Variants in PATE4 observed in about 807,000 individuals in gnomAD.
PATE4 encodes prostate and testis expressed protein 4.
A neutral mutation model predicts 8.5 loss-of-function variants in PATE4; 13 were observed. That is an observed-to-expected ratio of 1.53 (90% CI 1.00 to 2.43). The LOEUF is 2.43. Ranked by LOEUF, PATE4 falls within the 30% of genes most tolerant of loss-of-function variation. The pLI is 0.00. For synonymous variants in PATE4, 47 were observed against 39.3 expected, an observed-to-expected ratio of 1.20 and a Z score of -0.73; for missense variants, 127 against 115.5, an observed-to-expected ratio of 1.10 and a Z score of -0.46.
Position 125,837,889 on chromosome 11 carries a change from C to T in PATE4, c.80C>T (p.Thr27Ile), listed in dbSNP as rs1390637429. 3.2e-6 allele frequency: 5 copies of T among 1,551,042 alleles called. No homozygotes were observed. The highest frequency in any genetic ancestry group is 3.9e-5 in the Admixed American group (2 of 50,970). ...GCAGTTATGGGTCTGAAGTGTAATA[C>T]CTGCATATACACAGAAGGATGGAAG... ...LKEVMGLKCN[T>I]CIYTEGWKCM... Residue 27 changes from threonine (T) to isoleucine (I), a missense_variant, in exon 2 of 3, where the codon ACC (threonine) becomes ATC (isoleucine). By Grantham distance (89) the Thr-to-Ile change is moderately conservative. Transcript: ENST00000457514.
At chr11:125,833,750 T>C (rs1943902792) in intron 1 of PATE4, among the ~76,000 whole-genome samples, 1 of 152,198 alleles carries the variant, frequency 6.6e-6, no homozygotes, top group African/African-American at 2.4e-5. Context: ...CTTCTCAGTG[T>C]ATTTTGTAGG....
At chr11:125,834,498 C>T (rs1943906923) in intron 1 of PATE4, among the ~76,000 whole-genome samples, 1 of 152,224 alleles carries the variant, frequency 6.6e-6, no homozygotes, top group South Asian at 2.1e-4. Flanking sequence ...CATTTTTGAC[C>T]TATCAGATTG....
At position 125,837,992 on chromosome 11, in the gene PATE4, G is replaced by A; in HGVS notation, c.175+8G>A. The A allele has an allele frequency of 1.3e-6, 2 of 1,546,604 alleles. No individual in the cohort carries two copies. Among genetic ancestry groups the A allele is most frequent in the Non-Finnish European group, 1.8e-6 (2 of 1,142,486 alleles). On this transcript the variant is annotated splice_region_variant and intron_variant, in intron 2 of 2. Coordinates refer to ENST00000457514, the MANE Select transcript of PATE4 (RefSeq NM_001144874.1). ...CAACAGCCTATTTCAGGGGTAAGTG[G>A]GGCTCATGAAGACTCCAAAATTGCC... is the stretch of plus-strand genomic sequence containing the variant.
In PATE4 at chr11:125,833,378, C is replaced by A; in HGVS notation, c.19C>A (p.Leu7Met). The A allele has an allele frequency of 6.4e-7, 1 of 1,551,560 alleles. No homozygotes were observed. Among genetic ancestry groups the A allele is most frequent in the Non-Finnish European group, 8.7e-7 (1 of 1,146,894 alleles). Residue 7 changes from leucine to methionine, a missense_variant, in exon 1 of 3, where the codon CTG becomes ATG. Transcript: ENST00000457514. MRKMNT[L>M]LLVSLSFLYL... is the part of the protein sequence containing the mutation. ...GCATCCAATGAGGAAAATGAACACACTGCTCCTTGTGAGCTTATCTTTTCT... is the reference window on the plus strand; with the variant it reads ...GCATCCAATGAGGAAAATGAACACAATGCTCCTTGTGAGCTTATCTTTTCT...
Position 125,838,972 on chromosome 11 carries a change from A to G in PATE4, c.*545A>G, listed in dbSNP as rs1591478989. On this transcript the variant is annotated 3_prime_UTR_variant, in exon 3 of 3. Transcript: ENST00000457514. ...TTTGAAGATGGAGGAATAGGCCATAAGCTAAAACTAGGAGGCCACTAGAAG... is the reference window on the plus strand; with the variant it reads ...TTTGAAGATGGAGGAATAGGCCATAGGCTAAAACTAGGAGGCCACTAGAAG... 6.6e-6 allele frequency: 1 copy of G among 152,288 alleles called. No individual in the cohort carries two copies. The allele number at this position is 152,288 out of a possible 1,614,324, so 9.4% of individuals were successfully genotyped here. A position where few individuals can be genotyped will look rare whatever the true frequency, so the allele number is the denominator to read the frequency against.
At chr11:125,837,084 C>T (rs1370564349) in intron 1 of PATE4, among the ~76,000 whole-genome samples, 1 of 152,216 alleles carries the variant, frequency 6.6e-6, no homozygotes. Flanking sequence ...CTCAAGTCCT[C>T]CTGGGCTCCA....
intron 1 of PATE4, among the ~76,000 whole-genome samples, chr11:125,836,950 G>A (rs146528125): frequency 6.6e-6 from 1 of 152,292 alleles, no homozygotes; most frequent in Non-Finnish European, 1.5e-5. Flanking sequence ...TTATGCAAAG[G>A]CAATTGGATT....
rs1943936911 is a variant in PATE4 at position 125,838,475 on chromosome 11, A to G, written c.*48A>G. 6.6e-7 allele frequency: 1 copy of G among 1,506,210 alleles called. No homozygotes were observed. The highest frequency in any genetic ancestry group is 2.4e-5 in the Admixed American group (1 of 41,650). 93.3% of individuals were successfully genotyped at this position (1,506,210 alleles called of 1,614,324 possible). ...GATCATCTGATCAAGATCCAGAATC[A>G]AGACCAACCAACATGAACTGTTTTA... On this transcript the variant is annotated 3_prime_UTR_variant, in exon 3 of 3. Coordinates refer to ENST00000457514, the MANE Select transcript of PATE4 (RefSeq NM_001144874.1).
At chr11:125,833,718 T>C (rs113334415) in intron 1 of PATE4, among the ~76,000 whole-genome samples, 1,879 of 152,320 alleles carry the variant, frequency 0.012, 20 homozygotes, top group Non-Finnish European at 0.019. Flanking sequence ...TACACTCTCC[T>C]AGTTTTCCTT....
chr11:125,835,639 T>C (rs1420588205), intron 1 of PATE4: 1 of 152,204 alleles, frequency 6.6e-6, no homozygotes, highest in Non-Finnish European at 1.5e-5. Flanking sequence ...AATGTTCTCC[T>C]GACTCAAGGA....
intron 1 of PATE4, 144 bp from the exon 2 acceptor site, chr11:125,837,724 T>G (rs1943930506): frequency 1.7e-6 from 1 of 586,942 alleles, no homozygotes. Context: ...CTTACAAAGC[T>G]AAATTAATCA....
At chr11:125,835,059 T>C (rs140165756) in intron 1 of PATE4, 18 of 152,346 alleles carry the variant, frequency 1.2e-4, no homozygotes, top group African/African-American at 4.1e-4. Context: ...CAACATTCTT[T>C]TTCTATTACT....
At chr11:125,836,131 T>TG (rs1215970685) in intron 1 of PATE4, among the ~76,000 whole-genome samples, 44 of 151,538 alleles carry the variant, frequency 2.9e-4, no homozygotes, top group Non-Finnish European at 5.5e-4. Context: ...GACTTTTTTT[T>TG]TTTTTTTTCT....
In PATE4 at chr11:125,838,511, C is replaced by A; in HGVS notation, c.*84C>A. ...ACATGAACTGTTTTATTTCCCACAC[C>A]AAATTCCACACTGGCCTAAGATCCC... On this transcript the variant is annotated 3_prime_UTR_variant, in exon 3 of 3. Coordinates refer to ENST00000457514, the MANE Select transcript of PATE4 (RefSeq NM_001144874.1). The A allele has an allele frequency of 7.0e-7, 1 of 1,428,206 alleles. No homozygotes were observed. 88.5% of individuals were successfully genotyped at this position (1,428,206 alleles called of 1,614,324 possible). A position where few individuals can be genotyped will look rare whatever the true frequency, so the allele number is the denominator to read the frequency against.
At position 125,838,532 on chromosome 11, in the gene PATE4, A is replaced by G. The variant is rs1004088595; in HGVS notation, c.*105A>G. The G allele has an allele frequency of 7.3e-7, 1 of 1,368,902 alleles. No individual in the cohort carries two copies. The highest frequency in any genetic ancestry group is 1.5e-5 in the African/African-American group (1 of 68,178). 84.8% of individuals were successfully genotyped at this position (1,368,902 alleles called of 1,614,324 possible). On this transcript the variant is annotated 3_prime_UTR_variant, in exon 3 of 3. Transcript: ENST00000457514. ...ACACCAAATTCCACACTGGCCTAAG[A>G]TCCCAGAGAGAGCTGCAGGGGCTGT...
chr11:125,834,118 A>T (rs1329656735), intron 1 of PATE4, among the ~76,000 whole-genome samples: 1 of 152,226 alleles, frequency 6.6e-6, no homozygotes, highest in African/African-American at 2.4e-5. Flanking sequence ...ATAATAAACC[A>T]TAAAAGAATT....
intron 1 of PATE4, among the ~76,000 whole-genome samples, chr11:125,836,339 A>G (rs976184099): frequency 6.6e-6 from 1 of 152,098 alleles, no homozygotes; most frequent in African/African-American, 2.4e-5. Flanking sequence ...ATTTTTCGAT[A>G]AATTCCCATT....
chr11:125,833,435 G>A lies in PATE4; in HGVS notation c.58+18G>A. On this transcript the variant is annotated intron_variant, in intron 1 of 2. Transcript: ENST00000457514. ...CAAAGAGGGTAAGTTTGAACAATGG[G>A]GGTGGAGGGAGGCAACTTAGGGGTG... 6.5e-7 allele frequency: 1 copy of A among 1,550,012 alleles called. No homozygotes were observed. The highest frequency in any genetic ancestry group is 8.7e-7 in the Non-Finnish European group (1 of 1,145,568).
chr11:125,839,260 A>G lies in PATE4; in HGVS notation c.*833A>G, dbSNP rs1243688227. 3.3e-5 allele frequency: 5 copies of G among 152,218 alleles called. No individual in the cohort carries two copies. Among genetic ancestry groups the G allele is most frequent in the Admixed American group, 6.5e-5 (1 of 15,288 alleles). The allele number at this position is 152,218 out of a possible 1,614,324, so 9.4% of individuals were successfully genotyped here. ...TGGTAAGCCTGAGTACCCAGGGGCC[A>G]GTCTAGGTGACAACAGTATCCACCG... is the stretch of plus-strand genomic sequence containing the variant. On this transcript the variant is annotated 3_prime_UTR_variant, in exon 3 of 3. Transcript: ENST00000457514.
Sources: gnomAD v4.1 joint callset for allele counts (sites outside exome capture counted in the v4.1 genomes callset) on GRCh38, gnomAD v4.1.1 for gene constraint, MANE v1.5 for transcripts, NCBI Gene and HGNC (gene_info 2026-07-23, HGNC 2026-07-21) for gene names.